Variants in KMT5B observed in about 807,000 individuals in gnomAD.
The protein encoded by KMT5B is lysine methyltransferase 5B.
In KMT5B, 10 loss-of-function variants were observed where a neutral mutation model predicts 83.2. That is an observed-to-expected ratio of 0.12 (90% CI 0.07 to 0.20). The LOEUF (loss-of-function observed/expected upper bound fraction) is 0.20. KMT5B is among the 10% of genes least tolerant of loss of function. KMT5B has a pLI of 1.00. For synonymous variants in KMT5B, 349 were observed against 388.8 expected (o/e 0.90, Z 1.20); for missense variants, 753 against 1,067.2 (o/e 0.71, Z 4.10).
At position 68,175,078 on chromosome 11, in the gene KMT5B, T is replaced by G. The variant is rs747030932; in HGVS notation, c.483A>C (p.Glu161Asp). Reference sequence around the variant, plus strand: ...TGTTGAGAAAATAGTGCCGTGCCCATTCGCCTGAAGTCAAACATTTGAAGG... The same window carrying G: ...TGTTGAGAAAATAGTGCCGTGCCCAGTCGCCTGAAGTCAAACATTTGAAGG... Reference protein sequence around the residue: ...EKAFKCLTSGEWARHYFLNKN... With the variant: ...EKAFKCLTSGDWARHYFLNKN... The change falls in exon 5 of 11, where the codon GAA becomes GAC. Residue 161 changes from glutamate to aspartate, a missense_variant. Around this residue, in one of 9 missense-constraint regions of KMT5B, gnomAD observed 71 missense variants for 107.0 expected, o/e 0.66. Coordinates refer to ENST00000304363, the MANE Select transcript of KMT5B (RefSeq NM_017635.5). 6.8e-6 allele frequency: 11 copies of G among 1,614,042 alleles called. No homozygotes were observed. In the African/African-American group the frequency reaches 1.5e-4, roughly 22 times the overall value.
chr11:68,212,404 T>TCCA (rs1219888279), intron 1 of KMT5B, among the ~76,000 whole-genome samples: 1 of 152,216 alleles, frequency 6.6e-6, no homozygotes, highest in Non-Finnish European at 1.5e-5. Context: ...TTCCGAAAGT[T>TCCA]CCACCACTTA....
chr11:68,207,098 C>T (rs1297484399), intron 1 of KMT5B, among the ~76,000 whole-genome samples: 2 of 151,810 alleles, frequency 1.3e-5, no homozygotes, highest in Non-Finnish European at 2.9e-5. Context: ...AAAAATTAGC[C>T]GGGCATGGTG....
At chr11:68,164,557 A>G in intron 10 of KMT5B, 1 of 452,512 alleles carries the variant, frequency 2.2e-6, no homozygotes, top group South Asian at 1.6e-5. Context: ...GACTTAACAT[A>G]CAATGGTCTC....
At position 68,213,203 on chromosome 11, in the gene KMT5B, G is replaced by C. The variant is rs1360543012; in HGVS notation, c.-142C>G. On this transcript the variant is annotated 5_prime_UTR_variant, in exon 1 of 11. Coordinates refer to ENST00000304363, the MANE Select transcript of KMT5B (RefSeq NM_017635.5). ...CCCCGCTGCCCGGCCGCTGCGATGC[G>C]GGGCCGCGCCGCCGGGCCCCGCGTC... 1.4e-5 allele frequency: 2 copies of C among 139,820 alleles called. No individual in the cohort carries two copies. Among genetic ancestry groups the C allele is most frequent in the East Asian group, 4.3e-4 (2 of 4,688 alleles). The allele number at this position is 139,820 out of a possible 1,614,324, so 8.7% of individuals were successfully genotyped here. A position where few individuals can be genotyped will look rare whatever the true frequency, so the allele number is the denominator to read the frequency against.
In KMT5B at chr11:68,155,110, T is replaced by C. The variant is rs1250887895; in HGVS notation, c.*2578A>G. The stretch of plus-strand genomic sequence containing the variant: ...GAATACTTTACATATATTTCTATGA[T>C]CATCTCCTAATTCTTACAATGCCAA... On this transcript the variant is annotated 3_prime_UTR_variant, in exon 11 of 11. Coordinates refer to ENST00000304363, the MANE Select transcript of KMT5B (RefSeq NM_017635.5). 2 of 152,240 alleles carry C rather than the reference T, an allele frequency of 1.3e-5. No individual in the cohort carries two copies. Among genetic ancestry groups the C allele is most frequent in the Non-Finnish European group, 2.9e-5 (2 of 68,036 alleles). 9.4% of individuals were successfully genotyped at this position (152,240 alleles called of 1,614,324 possible). A position where few individuals can be genotyped will look rare whatever the true frequency, so the allele number is the denominator to read the frequency against.
In KMT5B at chr11:68,158,765, C is replaced by A. The variant is rs1859495789; in HGVS notation, c.1581G>T (p.Ser527=). 3 of 1,614,180 alleles carry A rather than the reference C, an allele frequency of 1.9e-6. No homozygotes were observed. Among genetic ancestry groups the A allele is most frequent in the Admixed American group, 1.7e-5 (1 of 60,022 alleles). Residue 527 remains serine (S), a synonymous_variant, in exon 11 of 11, where the codon TCG becomes TCT. Coordinates refer to ENST00000304363, the MANE Select transcript of KMT5B (RefSeq NM_017635.5). Reference sequence around the variant, plus strand: ...AGGTGCAGGGCGAGCTCTCCCCCTGCGAATGAGCACCTCTCACAGGATTCT... The same window carrying A: ...AGGTGCAGGGCGAGCTCTCCCCCTGAGAATGAGCACCTCTCACAGGATTCT... ...HRQNPVRGAH[S]QGESSPCTYI... is the part of the protein sequence containing the mutation.
At chr11:68,201,090 G>C (rs77372026) in intron 1 of KMT5B, among the ~76,000 whole-genome samples, 1,932 of 152,206 alleles carry the variant, frequency 0.013, 39 homozygotes, top group African/African-American at 0.041. Context: ...TATTTAAAGG[G>C]GAAAAGATTT....
At chr11:68,172,643 C>T (rs557077156) in intron 6 of KMT5B, among the ~76,000 whole-genome samples, 11 of 152,194 alleles carry the variant, frequency 7.2e-5, no homozygotes, top group African/African-American at 2.4e-4. Flanking sequence ...ACACTTACAG[C>T]GCTTCTCAAT....
intron 10 of KMT5B, chr11:68,165,819 G>C (rs1229177948): frequency 1.2e-6 from 2 of 1,606,362 alleles, no homozygotes; most frequent in African/African-American, 1.3e-5. Flanking sequence ...ACTGGAATAG[G>C]GCTACAGCGC....
Position 68,185,871 on chromosome 11 carries a change from G to T in KMT5B, c.218C>A (p.Ser73Tyr). The T allele has an allele frequency of 6.2e-7, 1 of 1,614,038 alleles. No individual in the cohort carries two copies. The highest frequency in any genetic ancestry group is 8.5e-7 in the Non-Finnish European group (1 of 1,179,978). ...ATCATTTTCACAGAGTTCCTTGGCG[G>T]ACATTCCAGAGGATGGTACATAGCG... ...QSRYVPSSGM[S>Y]AKELCENDDL... is the part of the protein sequence containing the mutation. Residue 73 changes from serine (S) to tyrosine (Y), a missense_variant, in exon 3 of 11, where the codon TCC (serine) becomes TAC (tyrosine). Transcript: ENST00000304363.
intron 1 of KMT5B, among the ~76,000 whole-genome samples, chr11:68,204,047 C>CA (rs1431812337): frequency 6.6e-6 from 1 of 152,202 alleles, no homozygotes; most frequent in African/African-American, 2.4e-5. Flanking sequence ...CAAGTACCCT[C>CA]AGGTGGTAAT....
At chr11:68,183,171 C>T (rs1004730628) in intron 3 of KMT5B, among the ~76,000 whole-genome samples, 2 of 151,088 alleles carry the variant, frequency 1.3e-5, no homozygotes, top group African/African-American at 2.4e-5. Flanking sequence ...CACTAGACTA[C>T]TGTGTCAAAG....
intron 4 of KMT5B, among the ~76,000 whole-genome samples, chr11:68,175,498 G>A (rs1467777766): frequency 6.6e-6 from 1 of 152,012 alleles, no homozygotes; most frequent in South Asian, 2.1e-4. Context: ...TTAACTGTGA[G>A]GTGAGCAGAC....
At position 68,181,503 on chromosome 11, in the gene KMT5B, GCACTATA is replaced by G. The variant is rs1207775586; in HGVS notation, c.309-1310_309-1304del. Among the ~76,000 whole-genome samples the G allele has an allele frequency of 4.6e-5, 7 of 152,264 alleles. No individual in the cohort carries two copies. The East Asian group carries it at 1.3e-3, about 29-fold the overall frequency. On this transcript the variant is annotated intron_variant, in intron 3 of 10. Transcript: ENST00000304363. Reference sequence around the variant, plus strand: ...GTGCATAAACATATGAACAAAGAGCGCACTATACAAGGAACAGGCAGAGAGCTTAGAA... The same window carrying G: ...GTGCATAAACATATGAACAAAGAGCGCAAGGAACAGGCAGAGAGCTTAGAA...
chr11:68,181,151 T>G (rs1856890416), intron 3 of KMT5B, among the ~76,000 whole-genome samples: 1 of 151,978 alleles, frequency 6.6e-6, no homozygotes, highest in East Asian at 1.9e-4. Context: ...CTAGGCTCAC[T>G]GCAACCTCTG....
chr11:68,155,255 C>A lies in KMT5B; in HGVS notation c.*2433G>T, dbSNP rs561280026. On this transcript the variant is annotated 3_prime_UTR_variant, in exon 11 of 11. Transcript: ENST00000304363. ...ACACGGTGAAGTTCTACAGCAGATC[C>A]GGAACAGTTCCGAGGCCCCTACCTT... is the stretch of plus-strand genomic sequence containing the variant. 6.6e-6 allele frequency: 1 copy of A among 152,132 alleles called. No homozygotes were observed. Among genetic ancestry groups the A allele is most frequent in the Non-Finnish European group, 1.5e-5 (1 of 68,012 alleles). 9.4% of individuals were successfully genotyped at this position (152,132 alleles called of 1,614,324 possible).
Position 68,170,959 on chromosome 11 carries a change from A to G in KMT5B, c.977+56T>C, listed in dbSNP as rs933741435. ...AAGAGATAATGTGAGTTTAATCCCC[A>G]TAATCAGGTTGTTAACAAAAAATGT... On this transcript the variant is annotated intron_variant, in intron 9 of 10. Coordinates refer to ENST00000304363, the MANE Select transcript of KMT5B (RefSeq NM_017635.5). 8.5e-6 allele frequency: 13 copies of G among 1,520,708 alleles called. No homozygotes were observed. In the African/African-American group the frequency reaches 1.8e-4, roughly 21 times the overall value. 94.2% of individuals were successfully genotyped at this position (1,520,708 alleles called of 1,614,324 possible). A position where few individuals can be genotyped will look rare whatever the true frequency, so the allele number is the denominator to read the frequency against.
intron 1 of KMT5B, among the ~76,000 whole-genome samples, chr11:68,201,465 T>C (rs572896890): frequency 3.7e-4 from 56 of 152,328 alleles, no homozygotes; most frequent in African/African-American, 1.3e-3. Flanking sequence ...TATGAGATTA[T>C]AAATTGTTGA....
At chr11:68,208,914 CCAAA>C (rs1295759450) in intron 1 of KMT5B, among the ~76,000 whole-genome samples, 1 of 152,102 alleles carries the variant, frequency 6.6e-6, no homozygotes, top group Non-Finnish European at 1.5e-5. Flanking sequence ...TTTATATGCA[CCAAA>C]CAAATATTTG....
Sources: gnomAD v4.1 joint callset for allele counts (sites outside exome capture counted in the v4.1 genomes callset) on GRCh38, gnomAD v4.1.1 for gene constraint, gnomAD v4.1.1 regional missense constraint, MANE v1.5 for transcripts, NCBI Gene and HGNC (gene_info 2026-07-23, HGNC 2026-07-21) for gene names.